MAGI2: variants seen among roughly 807,000 people sequenced by gnomAD.
MAGI2 encodes the protein membrane associated guanylate kinase, WW and PDZ domain containing 2.
Under a neutral mutation model 133.3 loss-of-function variants are expected in MAGI2, and 35 were observed. The observed-to-expected ratio is 0.26, with a 90% CI of 0.20 to 0.35. MAGI2 has a LOEUF of 0.35. Among genes scored for constraint, MAGI2 ranks in the 10% least tolerant of loss-of-function variants. MAGI2 has a pLI of 1.00. For missense variants in MAGI2, 1,636 were observed against 1,863.4 expected (o/e 0.88, Z 2.25); for synonymous variants, 729 against 710.6 (o/e 1.03, Z -0.41).
intron 2 of MAGI2, among the ~76,000 whole-genome samples, chr7:78,642,675 G>A (rs73378282): frequency 0.015 from 2,347 of 152,256 alleles, 67 homozygotes; most frequent in African/African-American, 0.054. Context: ...ATATTCACAA[G>A]CACTAATACT....
intron 6 of MAGI2, among the ~76,000 whole-genome samples, chr7:78,464,647 T>C (rs1312216291): frequency 6.6e-6 from 1 of 152,096 alleles, no homozygotes; most frequent in African/African-American, 2.4e-5. Context: ...AAAAAAGTTA[T>C]TCTACATATT....
At chr7:78,977,865 A>G (rs1400626293) in intron 2 of MAGI2, among the ~76,000 whole-genome samples, 1 of 151,848 alleles carries the variant, frequency 6.6e-6, no homozygotes, top group African/African-American at 2.4e-5. Flanking sequence ...CAAACCAATA[A>G]AAAACAGGCA....
At chr7:79,265,733 A>G (rs745892310) in intron 1 of MAGI2, among the ~76,000 whole-genome samples, 2 of 152,034 alleles carry the variant, frequency 1.3e-5, no homozygotes, top group African/African-American at 4.8e-5. Context: ...GCTGCCTGGG[A>G]GGTGAATTAT....
chr7:79,372,460 A>T (rs113802559), intron 1 of MAGI2, among the ~76,000 whole-genome samples: 1 of 152,142 alleles, frequency 6.6e-6, no homozygotes. Flanking sequence ...TTAGAGTAGA[A>T]CAGACTTAGA....
At chr7:78,084,482 T>G (rs1345289876) in intron 20 of MAGI2, among the ~76,000 whole-genome samples, 1 of 97,382 alleles carries the variant, frequency 1.0e-5, no homozygotes, top group African/African-American at 3.9e-5. Context: ...TTGCATGCCG[T>G]GTAAGTTAAG....
At chr7:79,440,154 T>C (rs1563225753) in intron 1 of MAGI2, among the ~76,000 whole-genome samples, 2 of 151,924 alleles carry the variant, frequency 1.3e-5, no homozygotes, top group African/African-American at 4.8e-5. Context: ...AACTTAGATA[T>C]CACAGCATTT....
intron 2 of MAGI2, among the ~76,000 whole-genome samples, chr7:78,628,816 A>T (rs915065600): frequency 2.0e-5 from 3 of 149,666 alleles, no homozygotes; most frequent in African/African-American, 5.0e-5. Context: ...TGAGAACCTT[A>T]ACTTTCAATA....
intron 15 of MAGI2, among the ~76,000 whole-genome samples, 156 bp downstream of exon 15, chr7:78,167,760 T>G (rs561856425): frequency 6.6e-6 from 1 of 152,340 alleles, no homozygotes; most frequent in South Asian, 2.1e-4. Context: ...ATCAGCACTT[T>G]CAAAATCATC....
At chr7:78,153,778 T>C (rs1375111056) in intron 16 of MAGI2, among the ~76,000 whole-genome samples, 1 of 152,242 alleles carries the variant, frequency 6.6e-6, no homozygotes, top group Non-Finnish European at 1.5e-5. Flanking sequence ...CCTGGCATCA[T>C]GTAATTTAGA....
rs199867413 is a variant in MAGI2 at position 78,608,093 on chromosome 7, GC to G, written c.538+19026del. On this transcript the variant is annotated intron_variant, in intron 3 of 21. Transcript: ENST00000354212. Reference sequence around the variant, plus strand: ...GCTATCATAGGCCGCTCAAGCCCAAGCATGGCCTTTTGATTTCTTAGGCTCA... The same window carrying G: ...GCTATCATAGGCCGCTCAAGCCCAAGATGGCCTTTTGATTTCTTAGGCTCA... 8.8e-3 allele frequency among the ~76,000 whole-genome samples: 1,336 copies of G among 152,286 alleles called. 14 individuals carry two copies. Among genetic ancestry groups the G allele is most frequent in the African/African-American group, 0.022 (922 of 41,556 alleles).
At chr7:79,260,296 C>A (rs1486857695) in intron 1 of MAGI2, among the ~76,000 whole-genome samples, 1 of 152,130 alleles carries the variant, frequency 6.6e-6, no homozygotes, top group African/African-American at 2.4e-5. Flanking sequence ...ATTGAGGCTG[C>A]AGTGAGCTGA....
At chr7:78,420,531 C>A (rs765323318) in intron 6 of MAGI2, among the ~76,000 whole-genome samples, 15 of 148,240 alleles carry the variant, frequency 1.0e-4, no homozygotes, top group Non-Finnish European at 1.5e-4. Context: ...TTTGACTCAA[C>A]CTACAATGGT....
At chr7:79,023,103 C>G (rs1809508630) in intron 1 of MAGI2, among the ~76,000 whole-genome samples, 1 of 152,094 alleles carries the variant, frequency 6.6e-6, no homozygotes, top group Non-Finnish European at 1.5e-5. Flanking sequence ...TACTAGCAAA[C>G]CAAATCCAGC....
In MAGI2 at chr7:78,501,715, A is replaced by C; in HGVS notation, c.827T>G (p.Val276Gly). ...CTTCAGCTCCTCAGGCTGACTGTAC[A>C]CTGGTGCAGGATAAGGCTGGGAGGG... ...EMPSQPYPAP[V>G]YSQPEELKEQ... Residue 276 changes from valine to glycine, a missense_variant, in exon 5 of 22, where the codon GTG becomes GGG. This residue lies in a region of MAGI2 where 165 missense variants were observed against 128.4 expected (regional missense o/e 1.28). Coordinates refer to ENST00000354212, the MANE Select transcript of MAGI2 (RefSeq NM_012301.4). 1 of 1,613,920 alleles carries C rather than the reference A, an allele frequency of 6.2e-7. No individual in the cohort carries two copies. Among genetic ancestry groups the C allele is most frequent in the Non-Finnish European group, 8.5e-7 (1 of 1,179,986 alleles).
intron 1 of MAGI2, among the ~76,000 whole-genome samples, chr7:79,341,410 A>G (rs58309104): frequency 0.56 from 84,589 of 151,880 alleles, 26,236 homozygotes; most frequent in Non-Finnish European, 0.69. Flanking sequence ...TAAAAAAAAA[A>G]CAGCACCCTT....
intron 1 of MAGI2, chr7:79,030,244 T>C (rs1810434300): frequency 6.6e-6 from 1 of 152,174 alleles, no homozygotes; most frequent in South Asian, 2.1e-4. Flanking sequence ...ATTTCTGTGT[T>C]CACATAGGCA....
At chr7:79,429,109 T>G (rs1031702734) in intron 1 of MAGI2, among the ~76,000 whole-genome samples, 1 of 152,128 alleles carries the variant, frequency 6.6e-6, no homozygotes, top group Non-Finnish European at 1.5e-5. Flanking sequence ...AAATTAAGGA[T>G]GTATTTTTCC....
At chr7:78,256,691 T>C (rs1793016766) in intron 9 of MAGI2, 110 bp from the exon 10 acceptor site, 8 of 878,260 alleles carry the variant, frequency 9.1e-6, no homozygotes, top group African/African-American at 5.1e-5. Context: ...TAGTAAGCAG[T>C]GAGAAATCAA....
chr7:78,983,954 T>C (rs1237790076), intron 2 of MAGI2, among the ~76,000 whole-genome samples: 1 of 151,978 alleles, frequency 6.6e-6, no homozygotes, highest in Non-Finnish European at 1.5e-5. Context: ...TCCAGATTTA[T>C]AGCCTAATGC....
Sources: gnomAD v4.1 joint callset for allele counts (sites outside exome capture counted in the v4.1 genomes callset) on GRCh38, gnomAD v4.1.1 for gene constraint, gnomAD v4.1.1 regional missense constraint, MANE v1.5 for transcripts, NCBI Gene and HGNC (gene_info 2026-07-23, HGNC 2026-07-21) for gene names.